Variants in VIPR2 observed in about 807,000 individuals in gnomAD.
VIPR2 encodes the protein vasoactive intestinal peptide receptor 2.
In VIPR2, 48 loss-of-function variants were observed where a neutral mutation model predicts 58.0. The ratio of observed to expected loss-of-function variants is 0.83; its 90% CI spans 0.66 to 1.05. The LOEUF (loss-of-function observed/expected upper bound fraction) is 1.05. Ranked by LOEUF, VIPR2 falls within the 50% of genes least tolerant of loss-of-function variation. VIPR2 has a pLI of 0.00. For synonymous variants in VIPR2, 243 were observed against 235.2 expected (o/e 1.03, Z -0.30); for missense variants, 534 against 558.0 (o/e 0.96, Z 0.43).
At position 159,130,710 on chromosome 7, in the gene VIPR2, A is replaced by G. The variant is rs571496685; in HGVS notation, c.151+11736T>C. 3.7e-4 allele frequency among the ~76,000 whole-genome samples: 57 copies of G among 152,352 alleles called. No homozygotes were observed. In the South Asian group the frequency reaches 4.1e-3, roughly 11 times the overall value. ...CGGTCTCCCACATGGCGTGGCCGGC[A>G]TCACGTCAATTAAATTCTTTCTTTA... On this transcript the variant is annotated intron_variant, in intron 2 of 12. Coordinates refer to ENST00000262178, the MANE Select transcript of VIPR2 (RefSeq NM_003382.5).
At chr7:159,107,410 G>A (rs762197433) in intron 3 of VIPR2, among the ~76,000 whole-genome samples, 3 of 152,204 alleles carry the variant, frequency 2.0e-5, no homozygotes, top group South Asian at 2.1e-4. Context: ...ATGAGTCCTC[G>A]TGCCTCTCAC....
chr7:159,061,186 A>T (rs142918375), intron 4 of VIPR2, among the ~76,000 whole-genome samples: 1 of 152,232 alleles, frequency 6.6e-6, no homozygotes, highest in East Asian at 1.9e-4. Context: ...GTACTCAGGG[A>T]GGAGAAATGG....
At chr7:159,051,995 A>G (rs1422039359) in intron 5 of VIPR2, among the ~76,000 whole-genome samples, 4 of 152,212 alleles carry the variant, frequency 2.6e-5, no homozygotes. Flanking sequence ...TAATTAAATA[A>G]CATTGAAAAA....
chr7:159,133,160 G>T (rs559224811), intron 2 of VIPR2, among the ~76,000 whole-genome samples: 72 of 152,374 alleles, frequency 4.7e-4, no homozygotes, highest in African/African-American at 1.6e-3. Context: ...ACTGAGCCTG[G>T]GGCATCTGCA....
At chr7:159,092,891 G>A (rs917354488) in intron 4 of VIPR2, among the ~76,000 whole-genome samples, 2 of 152,146 alleles carry the variant, frequency 1.3e-5, no homozygotes, top group African/African-American at 4.8e-5. Context: ...GGGCAGCAGC[G>A]TGGAGCTGCC....
At chr7:159,144,500 G>C (rs1328743803) in intron 1 of VIPR2, 3 of 1,537,126 alleles carry the variant, frequency 2.0e-6, no homozygotes, top group South Asian at 2.4e-5. Flanking sequence ...GGCGCAGGCA[G>C]CCTCCCAACC....
chr7:159,053,380 C>A (rs562600987), intron 5 of VIPR2, among the ~76,000 whole-genome samples: 2 of 151,960 alleles, frequency 1.3e-5, no homozygotes, highest in Non-Finnish European at 2.9e-5. Context: ...GACTTCCACT[C>A]GGAAAATCAT....
At chr7:159,065,601 A>G (rs1041121950) in intron 4 of VIPR2, among the ~76,000 whole-genome samples, 1 of 152,224 alleles carries the variant, frequency 6.6e-6, no homozygotes, top group African/African-American at 2.4e-5. Context: ...CCTTGCATGT[A>G]CAATAACATT....
intron 2 of VIPR2, chr7:159,117,293 C>T: frequency 1.4e-6 from 1 of 717,400 alleles, no homozygotes; most frequent in South Asian, 1.5e-5. Context: ...GACTTAATTT[C>T]TCAATGATTT....
intron 2 of VIPR2, among the ~76,000 whole-genome samples, chr7:159,111,141 C>T (rs538072532): frequency 1.7e-4 from 26 of 152,158 alleles, no homozygotes; most frequent in African/African-American, 5.8e-4. Flanking sequence ...ATGCTAAGTT[C>T]GTAAACCAAG....
At chr7:159,032,576 C>T (rs1408085116) in intron 10 of VIPR2, among the ~76,000 whole-genome samples, 1 of 152,192 alleles carries the variant, frequency 6.6e-6, no homozygotes, top group Non-Finnish European at 1.5e-5. Flanking sequence ...CTGCCTGATT[C>T]CCTCTATTAA....
At chr7:159,119,690 C>CCT (rs1185692278) in intron 2 of VIPR2, among the ~76,000 whole-genome samples, 1 of 152,246 alleles carries the variant, frequency 6.6e-6, no homozygotes, top group African/African-American at 2.4e-5. Flanking sequence ...CATGCCCTAA[C>CCT]CTCTGCTCCC....
At position 159,101,633 on chromosome 7, in the gene VIPR2, C is replaced by A. The variant is rs1367917701; in HGVS notation, c.357+2124G>T. Reference sequence around the variant, plus strand: ...TTCCTGTGGTAGTGAACGGGTCTCACGAGATCCGACGAGGCCGTTCCCCCG... The same window carrying A: ...TTCCTGTGGTAGTGAACGGGTCTCAAGAGATCCGACGAGGCCGTTCCCCCG... On this transcript the variant is annotated intron_variant, in intron 4 of 12. Transcript: ENST00000262178. Among the ~76,000 whole-genome samples the A allele has an allele frequency of 2.1e-5, 3 of 141,514 alleles. 1 individual carries two copies. Among genetic ancestry groups the A allele is most frequent in the African/African-American group, 8.0e-5 (3 of 37,466 alleles). The allele number at this position is 141,514 out of a possible 152,430, so 92.8% of individuals were successfully genotyped here.
chr7:159,045,820 G>C (rs1415544000), intron 5 of VIPR2, among the ~76,000 whole-genome samples: 1 of 151,318 alleles, frequency 6.6e-6, no homozygotes, highest in African/African-American at 2.4e-5. Flanking sequence ...ATTACTAAGA[G>C]AGTTCAAAGA....
At chr7:159,131,288 A>T (rs993351669) in intron 2 of VIPR2, among the ~76,000 whole-genome samples, 1 of 151,216 alleles carries the variant, frequency 6.6e-6, no homozygotes, top group African/African-American at 2.5e-5. Context: ...GGACCCCCAA[A>T]CTCTTTATGC....
In VIPR2 at chr7:159,096,976, T is replaced by C; in HGVS notation, c.357+6781A>G. The C allele has an allele frequency of 1.3e-6, 2 of 1,550,572 alleles. No homozygotes were observed. Among genetic ancestry groups the C allele is most frequent in the East Asian group, 2.4e-5 (1 of 40,910 alleles). Reference sequence around the variant, plus strand: ...TGGCACCTGCTGGGCCTGAGGACCATGAGGGGAGGCTTCCTTCAGAAAAGC... The same window carrying C: ...TGGCACCTGCTGGGCCTGAGGACCACGAGGGGAGGCTTCCTTCAGAAAAGC... On this transcript the variant is annotated intron_variant, in intron 4 of 12. Coordinates refer to ENST00000262178, the MANE Select transcript of VIPR2 (RefSeq NM_003382.5). The surrounding 1 kb of genome is among the most constrained non-coding windows in gnomAD (Gnocchi z 5.5).
At chr7:159,086,029 A>T (rs1436599636) in intron 4 of VIPR2, among the ~76,000 whole-genome samples, 1 of 152,244 alleles carries the variant, frequency 6.6e-6, no homozygotes, top group Non-Finnish European at 1.5e-5. Context: ...GGTCAATATT[A>T]TACCAAAGCC....
At chr7:159,042,285 C>G (rs1457428046) in intron 6 of VIPR2, among the ~76,000 whole-genome samples, 4 of 152,076 alleles carry the variant, frequency 2.6e-5, no homozygotes, top group Non-Finnish European at 4.4e-5. Flanking sequence ...AGTGAGGTAC[C>G]AGGGGCACGA....
intron 3 of VIPR2, among the ~76,000 whole-genome samples, chr7:159,104,449 CTGG>C (rs1163961069): frequency 2.7e-4 from 41 of 151,728 alleles, no homozygotes; most frequent in South Asian, 1.1e-3. Context: ...CTCCCTCCTC[CTGG>C]CCAGCACCCT....
Sources: gnomAD v4.1 joint callset for allele counts (sites outside exome capture counted in the v4.1 genomes callset) on GRCh38, gnomAD v4.1.1 for gene constraint, Gnocchi (gnomAD v3.1) non-coding constraint, MANE v1.5 for transcripts, NCBI Gene and HGNC (gene_info 2026-07-23, HGNC 2026-07-21) for gene names.